The following MERTK variants were observed in gnomAD, a reference collection of about 807,000 sequenced individuals.
The protein encoded by MERTK is MER proto-oncogene, tyrosine kinase.
MERTK carries 69 observed loss-of-function variants against 99.3 expected under a neutral mutation model. That is an observed-to-expected ratio of 0.70 (90% CI 0.57 to 0.85). The LOEUF (loss-of-function observed/expected upper bound fraction) is 0.85. Ranked by LOEUF, MERTK falls within the 40% of genes least tolerant of loss-of-function variation. The pLI is 0.00. For missense variants in MERTK, 1,125 were observed against 1,249.4 expected (o/e 0.90, Z 1.50); for synonymous variants, 426 against 467.6 (o/e 0.91, Z 1.15).
chr2:111,960,925 A>G (rs1408447343), intron 4 of MERTK, among the ~76,000 whole-genome samples: 2 of 151,668 alleles, frequency 1.3e-5, no homozygotes, highest in African/African-American at 4.8e-5. Context: ...TCTAGGAGTA[A>G]TACAAGCAGA....
At position 111,970,812 on chromosome 2, in the gene MERTK, C is replaced by T. The variant is rs976740450; in HGVS notation, c.960+2560C>T. On this transcript the variant is annotated intron_variant, in intron 6 of 18. Coordinates refer to ENST00000295408, the MANE Select transcript of MERTK (RefSeq NM_006343.3). ...CCTCCTCCTCCTCCCCCCTCCTCCT[C>T]CTCCTCCCTCCTCCTCCCTCCTCCT... is the stretch of plus-strand genomic sequence containing the variant. 2.9e-3 allele frequency among the ~76,000 whole-genome samples: 225 copies of T among 78,686 alleles called. 2 individuals are homozygous for T. The highest frequency in any genetic ancestry group is 0.01 in the African/African-American group (217 of 20,778). 51.6% of individuals were successfully genotyped at this position (78,686 alleles called of 152,430 possible).
intron 4 of MERTK, among the ~76,000 whole-genome samples, chr2:111,948,101 C>T (rs1326572250): frequency 6.6e-6 from 1 of 152,176 alleles, no homozygotes; most frequent in Admixed American, 6.5e-5. Flanking sequence ...ATACCACTGA[C>T]GTTTCCCATG....
intron 4 of MERTK, among the ~76,000 whole-genome samples, chr2:111,953,252 G>A (rs756025718): frequency 1.3e-5 from 2 of 152,206 alleles, no homozygotes; most frequent in African/African-American, 2.4e-5. Flanking sequence ...TTAGAGTAGT[G>A]ACAAATGTGT....
chr2:111,948,265 G>A (rs1684996082), intron 4 of MERTK, among the ~76,000 whole-genome samples: 1 of 152,144 alleles, frequency 6.6e-6, no homozygotes, highest in Non-Finnish European at 1.5e-5. Context: ...TGGACTTTTG[G>A]AAACACTGTC....
At chr2:111,911,769 A>C (rs1012430483) in intron 1 of MERTK, among the ~76,000 whole-genome samples, 3 of 129,558 alleles carry the variant, frequency 2.3e-5, no homozygotes, top group African/African-American at 9.0e-5. Context: ...AGCTCACTGG[A>C]GCCTAAACTC....
intron 11 of MERTK, 105 bp downstream of exon 11, chr2:112,001,391 A>T (rs529713706): frequency 1.1e-6 from 1 of 924,178 alleles, no homozygotes. Flanking sequence ...TCGAAGAAGA[A>T]TGGATATTTT....
At chr2:111,916,056 C>T (rs1684343875) in intron 1 of MERTK, among the ~76,000 whole-genome samples, 1 of 152,042 alleles carries the variant, frequency 6.6e-6, no homozygotes, top group South Asian at 2.1e-4. Flanking sequence ...CATTGATCTT[C>T]GAAAGAATGT....
chr2:111,932,967 A>G (rs1444522877), intron 2 of MERTK, among the ~76,000 whole-genome samples: 1 of 152,090 alleles, frequency 6.6e-6, no homozygotes, highest in African/African-American at 2.4e-5. Context: ...TTTGTTTTTT[A>G]TGGTCATGCT....
chr2:111,950,273 G>A (rs1237059715), intron 4 of MERTK, among the ~76,000 whole-genome samples: 1 of 152,102 alleles, frequency 6.6e-6, no homozygotes. Flanking sequence ...GTACTCTGTT[G>A]TATTAATGTG....
chr2:111,985,620 C>T (rs1035163723), intron 8 of MERTK, among the ~76,000 whole-genome samples: 1 of 152,078 alleles, frequency 6.6e-6, no homozygotes, highest in Non-Finnish European at 1.5e-5. Context: ...GCTGGGGAGC[C>T]CTCACAATCA....
rs759444240 is a variant in MERTK at position 112,028,453 on chromosome 2, C to T, written c.2589C>T (p.Asp863=). Residue 863 remains aspartate, a synonymous_variant, in exon 19 of 19, where the codon GAC becomes GAT. Coordinates refer to ENST00000295408, the MANE Select transcript of MERTK (RefSeq NM_006343.3). ...QLEKLLESLP[D]VRNQADVIYV... is the part of the protein sequence containing the mutation. ...AAAAACTCTTAGAAAGTTTGCCTGA[C>T]GTTCGGAACCAAGCAGACGTTATTT... 22 of 1,614,034 alleles carry T rather than the reference C, an allele frequency of 1.4e-5. No homozygotes were observed. The Admixed American group carries it at 1.8e-4, about 13-fold the overall frequency.
intron 14 of MERTK, among the ~76,000 whole-genome samples, chr2:112,009,209 A>G (rs952862689): frequency 1.3e-5 from 2 of 152,226 alleles, no homozygotes; most frequent in African/African-American, 4.8e-5. Context: ...GAGAGATGTG[A>G]AAATCAATGT....
chr2:112,027,967 A>G (rs563594123), intron 18 of MERTK, among the ~76,000 whole-genome samples: 1 of 152,360 alleles, frequency 6.6e-6, no homozygotes, highest in African/African-American at 2.4e-5. Context: ...GAAGTCATAG[A>G]TAACGTGTAA....
At chr2:111,953,868 C>G (rs1286643667) in intron 4 of MERTK, among the ~76,000 whole-genome samples, 1 of 152,208 alleles carries the variant, frequency 6.6e-6, no homozygotes, top group Non-Finnish European at 1.5e-5. Flanking sequence ...AGCCACTGTG[C>G]CCAGGCCCTG....
At chr2:111,953,058 C>T (rs1685085773) in intron 4 of MERTK, among the ~76,000 whole-genome samples, 1 of 152,182 alleles carries the variant, frequency 6.6e-6, no homozygotes, top group African/African-American at 2.4e-5. Flanking sequence ...GTGCCTGGAA[C>T]ATGGTAGTTG....
At chr2:112,011,393 C>A (rs1217921590) in intron 15 of MERTK, among the ~76,000 whole-genome samples, 1 of 152,156 alleles carries the variant, frequency 6.6e-6, no homozygotes, top group Non-Finnish European at 1.5e-5. Context: ...TAGGGTCAGC[C>A]AGGTCGCTTT....
At chr2:111,938,657 G>A (rs1228544805) in intron 2 of MERTK, among the ~76,000 whole-genome samples, 1 of 152,198 alleles carries the variant, frequency 6.6e-6, no homozygotes, top group African/African-American at 2.4e-5. Flanking sequence ...CACCATGGCT[G>A]AGTATGTGCC....
chr2:111,956,096 A>G (rs561276807), intron 4 of MERTK, among the ~76,000 whole-genome samples: 133 of 152,128 alleles, frequency 8.7e-4, no homozygotes, highest in Admixed American at 1.3e-3. Flanking sequence ...GTGCACATGT[A>G]CCCTAGAACT....
intron 2 of MERTK, among the ~76,000 whole-genome samples, chr2:111,939,606 A>G (rs1212714052): frequency 6.6e-6 from 1 of 150,876 alleles, no homozygotes; most frequent in Admixed American, 6.6e-5. Context: ...TTAGCCTCCC[A>G]AGTAGCTGGG....
Sources: gnomAD v4.1 joint callset for allele counts (sites outside exome capture counted in the v4.1 genomes callset) on GRCh38, gnomAD v4.1.1 for gene constraint, MANE v1.5 for transcripts, NCBI Gene and HGNC (gene_info 2026-07-23, HGNC 2026-07-21) for gene names.